The following AFF3 variants were observed in gnomAD, a reference collection of about 807,000 sequenced individuals.
AFF3 encodes ALF transcription elongation factor 3.
Under a neutral mutation model 129.7 loss-of-function variants are expected in AFF3, and 32 were observed. The ratio of observed to expected loss-of-function variants is 0.25; its 90% CI spans 0.19 to 0.33. AFF3 has a LOEUF of 0.33. Among genes scored for constraint, AFF3 ranks in the 10% least tolerant of loss-of-function variants. The pLI, the probability that AFF3 is intolerant of heterozygous loss-of-function variation, is 1.00. For missense variants in AFF3, 1,373 were observed against 1,592.0 expected (o/e 0.86, Z 2.34); for synonymous variants, 644 against 635.4 (o/e 1.01, Z -0.20).
Position 99,844,434 on chromosome 2 carries a change from C to CTTTTTTTTTTTTTTT in AFF3, c.874-6925_874-6911dup, listed in dbSNP as rs984233053. 5.2e-4 allele frequency among the ~76,000 whole-genome samples: 48 copies of CTTTTTTTTTTTTTTT among 92,454 alleles called. 3 individuals carry two copies. The highest frequency in any genetic ancestry group is 0.024 in the Middle Eastern group (2 of 82). 60.7% of individuals were successfully genotyped at this position (92,454 alleles called of 152,430 possible). On this transcript the variant is annotated intron_variant, in intron 7 of 24. Coordinates refer to ENST00000672756, the MANE Select transcript of AFF3 (RefSeq NM_001386135.1). The stretch of plus-strand genomic sequence containing the variant: ...CAATACGAGAACTATTTTTTCTTTT[C>CTTTTTTTTTTTTTTT]TTTTTTTTTTTTTTTTTTTTTGAGA...
chr2:99,966,159 GA>G (rs1380737435), intron 7 of AFF3, among the ~76,000 whole-genome samples: 2 of 151,980 alleles, frequency 1.3e-5, no homozygotes, highest in Non-Finnish European at 1.5e-5. Context: ...TCTCTGTCAG[GA>G]CTCCCACCTA....
chr2:99,570,941 T>G (rs1388787973), intron 18 of AFF3, among the ~76,000 whole-genome samples: 3 of 152,202 alleles, frequency 2.0e-5, no homozygotes, highest in Admixed American at 1.3e-4. Flanking sequence ...TGGTCCATGT[T>G]CCCCTCTGTC....
intron 16 of AFF3, among the ~76,000 whole-genome samples, chr2:99,585,052 C>A (rs1449685894): frequency 1.3e-5 from 2 of 152,162 alleles, no homozygotes; most frequent in Non-Finnish European, 1.5e-5. Flanking sequence ...GGCTGTGTCA[C>A]GCAAAAGTGC....
intron 2 of AFF3, chr2:100,105,902 C>T (rs942873753): frequency 7.5e-7 from 1 of 1,331,098 alleles, no homozygotes. Context: ...AAAAGGGAGT[C>T]CCTTCCAGCA....
chr2:99,713,918 C>T (rs760671152), intron 11 of AFF3, among the ~76,000 whole-genome samples: 8 of 152,186 alleles, frequency 5.3e-5, no homozygotes, highest in African/African-American at 9.6e-5. Flanking sequence ...CGAGGCTGGT[C>T]TTGAACTCCT....
chr2:99,969,027 G>A (rs981284408), intron 7 of AFF3, among the ~76,000 whole-genome samples: 2 of 152,182 alleles, frequency 1.3e-5, no homozygotes, highest in Admixed American at 6.5e-5. Flanking sequence ...GGAGTCGGGC[G>A]GAACAAACTG....
At chr2:100,139,119 C>T (rs1467576328) in intron 1 of AFF3, among the ~76,000 whole-genome samples, 1 of 152,052 alleles carries the variant, frequency 6.6e-6, no homozygotes, top group South Asian at 2.1e-4. Flanking sequence ...CTTATACAAC[C>T]ACCACTCAAA....
chr2:99,672,517 T>C (rs368156069), intron 12 of AFF3, 21 bp downstream of exon 12: 4 of 1,612,420 alleles, frequency 2.5e-6, no homozygotes, highest in African/African-American at 1.3e-5. Context: ...CAAAGGATGA[T>C]GACATAAAAG....
intron 8 of AFF3, among the ~76,000 whole-genome samples, chr2:99,826,711 C>T (rs1219255772): frequency 2.0e-5 from 3 of 152,054 alleles, no homozygotes; most frequent in Admixed American, 1.3e-4. Context: ...TGGAAGCATA[C>T]GCACGGCCAC....
At chr2:99,770,825 C>G (rs1026284982) in intron 8 of AFF3, among the ~76,000 whole-genome samples, 1 of 152,066 alleles carries the variant, frequency 6.6e-6, no homozygotes, top group Non-Finnish European at 1.5e-5. Flanking sequence ...CTGACTGGTA[C>G]CCTATCCCTC....
chr2:99,880,796 CTGTATGT>C (rs1337395381), intron 7 of AFF3, among the ~76,000 whole-genome samples: 1 of 152,092 alleles, frequency 6.6e-6, no homozygotes, highest in Non-Finnish European at 1.5e-5. Context: ...GAACGGGCAT[CTGTATGT>C]GGCGACAGAT....
chr2:100,017,160 C>A (rs2104833360), intron 4 of AFF3, among the ~76,000 whole-genome samples: 1 of 152,164 alleles, frequency 6.6e-6, no homozygotes, highest in South Asian at 2.1e-4. Flanking sequence ...ATAACAAATT[C>A]TTAAATCCTA....
intron 8 of AFF3, among the ~76,000 whole-genome samples, chr2:99,814,279 T>C (rs944933609): frequency 2.0e-5 from 3 of 151,984 alleles, no homozygotes; most frequent in Non-Finnish European, 4.4e-5. Flanking sequence ...TTTATATTTG[T>C]TCTGGGGGCT....
At chr2:99,797,477 A>C (rs1430679130) in intron 8 of AFF3, among the ~76,000 whole-genome samples, 2 of 152,046 alleles carry the variant, frequency 1.3e-5, no homozygotes, top group Non-Finnish European at 2.9e-5. Context: ...TGGAGTCCCT[A>C]CAGGAGAAAG....
chr2:99,882,531 T>TG (rs1692801295), intron 7 of AFF3, among the ~76,000 whole-genome samples: 1 of 152,098 alleles, frequency 6.6e-6, no homozygotes, highest in Admixed American at 6.5e-5. Context: ...CTGCTGCATT[T>TG]GGGAAGCACT....
At chr2:99,977,444 A>T (rs1334553746) in intron 7 of AFF3, among the ~76,000 whole-genome samples, 1 of 152,222 alleles carries the variant, frequency 6.6e-6, no homozygotes, top group Non-Finnish European at 1.5e-5. Flanking sequence ...GGAGAGCCTA[A>T]GTTTTTGAGA....
intron 7 of AFF3, among the ~76,000 whole-genome samples, chr2:100,004,871 A>G (rs1458464585): frequency 6.6e-6 from 1 of 151,922 alleles, no homozygotes; most frequent in Non-Finnish European, 1.5e-5. Flanking sequence ...AAAAAAAAAG[A>G]ACCCACCCAC....
intron 4 of AFF3, among the ~76,000 whole-genome samples, chr2:100,019,803 T>G (rs1487433897): frequency 6.6e-6 from 1 of 151,968 alleles, no homozygotes; most frequent in Non-Finnish European, 1.5e-5. Context: ...CTCACCTCAG[T>G]CTTCACGCCC....
intron 11 of AFF3, 151 bp downstream of exon 11, chr2:99,726,926 C>T (rs1214760059): frequency 1.8e-5 from 13 of 707,460 alleles, no homozygotes. Flanking sequence ...GCATCTGCAC[C>T]CAAAGCATTT....
Sources: allele counts gnomAD v4.1 joint callset (sites outside exome capture counted in the v4.1 genomes callset), GRCh38; gene constraint gnomAD v4.1.1; transcripts MANE v1.5; gene names NCBI Gene and HGNC (gene_info 2026-07-23, HGNC 2026-07-21).